The following CACNA1B variants were observed in gnomAD, a reference collection of about 807,000 sequenced individuals.
CACNA1B encodes the protein voltage-dependent N-type calcium channel subunit alpha-1B.
A neutral mutation model predicts 247.2 loss-of-function variants in CACNA1B; 70 were observed. The ratio of observed to expected loss-of-function variants is 0.28; its 90% CI spans 0.23 to 0.35. The LOEUF (loss-of-function observed/expected upper bound fraction) is 0.35. Among genes scored for constraint, CACNA1B ranks in the 10% least tolerant of loss-of-function variants. The probability of loss-of-function intolerance (pLI) is 1.00; values close to 1 mark genes in which losing one functional copy is unlikely to be tolerated. For missense variants in CACNA1B, 2,367 were observed against 3,197.4 expected (o/e 0.74, Z 6.26); for synonymous variants, 1,231 against 1,294.4 (o/e 0.95, Z 1.05).
rs979915436 is a variant in CACNA1B, at chr9:138,011,470, C to G, written c.2160+1393C>G. ...GCTGTGGGCATTTTTCTGGGCTGACCAAGAGCCGCAAAGTTTATGACTCGA... is the reference window on the plus strand; with the variant it reads ...GCTGTGGGCATTTTTCTGGGCTGACGAAGAGCCGCAAAGTTTATGACTCGA... On this transcript the variant is annotated intron_variant, in intron 17 of 46. Transcript: ENST00000371372. This position sits in a 1 kb window ranked among gnomAD's most constrained non-coding sequence, Gnocchi z 4.2. 3.9e-5 allele frequency among the ~76,000 whole-genome samples: 6 copies of G among 152,166 alleles called. No homozygotes were observed. Among genetic ancestry groups the G allele is most frequent in the East Asian group, 3.9e-4 (2 of 5,194 alleles).
rs144679634 is a variant in CACNA1B at position 137,954,338 on chromosome 9, T to C, written c.1071-1360T>C. 1.1e-3 allele frequency among the ~76,000 whole-genome samples: 163 copies of C among 152,274 alleles called. 3 individuals are homozygous for C. The highest frequency in any genetic ancestry group is 3.2e-3 in the African/African-American group (135 of 41,564). On this transcript the variant is annotated intron_variant, in intron 7 of 46. Transcript: ENST00000371372. The surrounding 1 kb of genome is among the most constrained non-coding windows in gnomAD (Gnocchi z 4.1). ...CAGCTTGGGGCCAATTCGGCATCTC[T>C]CTCTCCATTCCCAGAGCTCCCATCC...
At chr9:137,897,132 C>T (rs1957182144) in intron 3 of CACNA1B, among the ~76,000 whole-genome samples, 3 of 151,994 alleles carry the variant, frequency 2.0e-5, no homozygotes, top group African/African-American at 7.3e-5. Context: ...TTTTTGCTTA[C>T]TATTTCATTT....
Position 137,952,428 on chromosome 9 carries a change from A to T in CACNA1B, c.1070+51A>T, listed in dbSNP as rs955264909. The T allele has an allele frequency of 5.0e-6, 7 of 1,410,160 alleles. No individual in the cohort carries two copies. The highest frequency in any genetic ancestry group is 7.0e-6 in the Non-Finnish European group (7 of 995,878). 87.4% of individuals were successfully genotyped at this position (1,410,160 alleles called of 1,614,324 possible). On this transcript the variant is annotated intron_variant, in intron 7 of 46. Transcript: ENST00000371372. This position sits in a 1 kb window ranked among gnomAD's most constrained non-coding sequence, Gnocchi z 4.8. ...AGGTGCCCCTCTGTGTTCTCAGCTG[A>T]GGGGTCAACAGGGGCACGTGTGACA...
At chr9:137,902,915 G>A (rs901696691) in intron 3 of CACNA1B, among the ~76,000 whole-genome samples, 3 of 152,214 alleles carry the variant, frequency 2.0e-5, no homozygotes, top group Non-Finnish European at 4.4e-5. Flanking sequence ...CTGAGGAGAC[G>A]ATTCTGCCTT....
intron 37 of CACNA1B, among the ~76,000 whole-genome samples, chr9:138,098,946 C>T (rs1005112653): frequency 6.6e-6 from 1 of 152,236 alleles, no homozygotes; most frequent in Admixed American, 6.5e-5. Context: ...CAGATTGGGC[C>T]TGGATCCTGT....
intron 3 of CACNA1B, among the ~76,000 whole-genome samples, chr9:137,911,469 G>A (rs1222974525): frequency 2.0e-5 from 3 of 152,186 alleles, no homozygotes; most frequent in Non-Finnish European, 4.4e-5. Context: ...AGACTGGAGT[G>A]CAATGGCGCA....
At chr9:138,119,595 C>A (rs1962006419) in intron 44 of CACNA1B, among the ~76,000 whole-genome samples, 1 of 152,184 alleles carries the variant, frequency 6.6e-6, no homozygotes, top group Non-Finnish European at 1.5e-5. Context: ...TGCCTCTCCT[C>A]CCTCTTAGGG....
rs575774270 is a variant in CACNA1B at position 138,026,825 on chromosome 9, T to A, written c.3286+1653T>A. On this transcript the variant is annotated intron_variant, in intron 20 of 46. Coordinates refer to ENST00000371372, the MANE Select transcript of CACNA1B (RefSeq NM_000718.4). ...TATTGGATTATATGGTAAGACTGTT[T>A]ATCTTTATAAGAAACTGACAAACTA... 2.0e-5 allele frequency among the ~76,000 whole-genome samples: 3 copies of A among 152,134 alleles called. No homozygotes were observed. In the East Asian group the frequency reaches 5.8e-4, roughly 29 times the overall value.
At chr9:138,091,632 G>T (rs1264604348) in intron 36 of CACNA1B, among the ~76,000 whole-genome samples, 1 of 151,954 alleles carries the variant, frequency 6.6e-6, no homozygotes, top group Non-Finnish European at 1.5e-5. Context: ...TTACACATTT[G>T]TATACATGTA....
rs985588445 is a variant in CACNA1B at position 137,950,436 on chromosome 9, T to G, written c.967-1838T>G. 4.6e-5 allele frequency among the ~76,000 whole-genome samples: 7 copies of G among 152,196 alleles called. No individual in the cohort carries two copies. The highest frequency in any genetic ancestry group is 1.7e-4 in the African/African-American group (7 of 41,446). ...TAGTACCGCGGAGGTGGGCTTGGGCTGGGGGGCCGTGATAACCCCTGCTGA... is the reference window on the plus strand; with the variant it reads ...TAGTACCGCGGAGGTGGGCTTGGGCGGGGGGGCCGTGATAACCCCTGCTGA... On this transcript the variant is annotated intron_variant, in intron 6 of 46. Coordinates refer to ENST00000371372, the MANE Select transcript of CACNA1B (RefSeq NM_000718.4). This position sits in a 1 kb window ranked among gnomAD's most constrained non-coding sequence, Gnocchi z 4.8.
chr9:137,958,750 C>T (rs1957977985), intron 10 of CACNA1B, among the ~76,000 whole-genome samples: 1 of 152,176 alleles, frequency 6.6e-6, no homozygotes, highest in Non-Finnish European at 1.5e-5. Context: ...ACATTCCATC[C>T]ACAGTACAGG....
intron 35 of CACNA1B, among the ~76,000 whole-genome samples, chr9:138,076,865 A>G (rs970070454): frequency 2.6e-5 from 4 of 152,184 alleles, no homozygotes; most frequent in Non-Finnish European, 5.9e-5. Context: ...TGCTTTGCTG[A>G]GCTGCCTGGA....
intron 20 of CACNA1B, among the ~76,000 whole-genome samples, chr9:138,031,503 T>C (rs1416236610): frequency 1.3e-5 from 2 of 152,228 alleles, no homozygotes; most frequent in Non-Finnish European, 2.9e-5. Context: ...TGCATTCCTA[T>C]AAGCATTGTT....
chr9:138,094,473 A>G (rs1368393203), intron 36 of CACNA1B, among the ~76,000 whole-genome samples: 3 of 151,178 alleles, frequency 2.0e-5, no homozygotes, highest in Non-Finnish European at 4.4e-5. Flanking sequence ...GAAGAAGAAG[A>G]AAGTGAACAC....
rs1272761769 is a variant in CACNA1B, at chr9:137,891,320, C to T, written c.530+8437C>T. On this transcript the variant is annotated intron_variant, in intron 3 of 46. Coordinates refer to ENST00000371372, the MANE Select transcript of CACNA1B (RefSeq NM_000718.4). This position sits in a 1 kb window ranked among gnomAD's most constrained non-coding sequence, Gnocchi z 4.3. ...ATCTGGGAGGCTGGGCGGGCAGTGC[C>T]GGGCTGGCTGTAGAAGAGCCGCCCC... 2.0e-5 allele frequency: 3 copies of T among 152,432 alleles called. No individual in the cohort carries two copies. Among genetic ancestry groups the T allele is most frequent in the Non-Finnish European group, 2.9e-5 (2 of 68,248 alleles). 9.4% of individuals were successfully genotyped at this position (152,432 alleles called of 1,614,324 possible).
Position 137,957,492 on chromosome 9 carries a change from A to G in CACNA1B, c.1244-106A>G. ...CAGCCCCAGTTCAGGACAGGAGCTC[A>G]GGAGAGGTCACTGGTCCCAGGGGGA... On this transcript the variant is annotated intron_variant, in intron 9 of 46. Transcript: ENST00000371372. The surrounding 1 kb of genome is among the most constrained non-coding windows in gnomAD (Gnocchi z 4.7). 3 of 731,758 alleles carry G rather than the reference A, an allele frequency of 4.1e-6. No individual in the cohort carries two copies. The highest frequency in any genetic ancestry group is 6.1e-5 in the East Asian group (2 of 32,896). The allele number at this position is 731,758 out of a possible 1,614,324, so 45.3% of individuals were successfully genotyped here. A position where few individuals can be genotyped will look rare whatever the true frequency, so the allele number is the denominator to read the frequency against.
chr9:137,944,938 G>C (rs1308318741), intron 6 of CACNA1B, among the ~76,000 whole-genome samples: 1 of 152,144 alleles, frequency 6.6e-6, no homozygotes, highest in Non-Finnish European at 1.5e-5. Flanking sequence ...TGTAAAAGGG[G>C]GTCATCTACA....
intron 3 of CACNA1B, chr9:137,892,427 T>C: frequency 2.2e-6 from 1 of 447,498 alleles, no homozygotes; most frequent in Non-Finnish European, 4.5e-6. Context: ...ATGTGGCTGT[T>C]GCTGGTGCAT....
At position 137,882,713 on chromosome 9, in the gene CACNA1B, A is replaced by G; in HGVS notation, c.391-31A>G. On this transcript the variant is annotated intron_variant, in intron 2 of 46. Coordinates refer to ENST00000371372, the MANE Select transcript of CACNA1B (RefSeq NM_000718.4). The surrounding 1 kb of genome is among the most constrained non-coding windows in gnomAD (Gnocchi z 4.0). ...CCCGCTACTACACCGGGTAGGGGCCAGGGGTGACCACTGTTCTGCGCTTCT... is the reference window on the plus strand; with the variant it reads ...CCCGCTACTACACCGGGTAGGGGCCGGGGGTGACCACTGTTCTGCGCTTCT... 1 of 1,613,622 alleles carries G rather than the reference A, an allele frequency of 6.2e-7. No individual in the cohort carries two copies. The highest frequency in any genetic ancestry group is 8.5e-7 in the Non-Finnish European group (1 of 1,179,622).
Sources: allele counts gnomAD v4.1 joint callset (sites outside exome capture counted in the v4.1 genomes callset), GRCh38; gene constraint gnomAD v4.1.1; non-coding constraint Gnocchi (gnomAD v3.1); transcripts MANE v1.5; gene names NCBI Gene and HGNC (gene_info 2026-07-23, HGNC 2026-07-21).